The following CLEC4F variants were observed in gnomAD, a reference collection of about 807,000 sequenced individuals.
The protein encoded by CLEC4F is C-type lectin domain family 4 member F.
In CLEC4F, 45 loss-of-function variants were observed where a neutral mutation model predicts 53.4. The ratio of observed to expected loss-of-function variants is 0.84; its 90% CI spans 0.66 to 1.08. The LOEUF (loss-of-function observed/expected upper bound fraction) is 1.08. Ranked by LOEUF, CLEC4F falls within the 50% of genes least tolerant of loss-of-function variation. The pLI, the probability that CLEC4F is intolerant of heterozygous loss-of-function variation, is 0.00. For missense variants in CLEC4F, 753 were observed against 698.2 expected (o/e 1.08, Z -0.88); for synonymous variants, 245 against 257.5 (o/e 0.95, Z 0.46).
rs781897928 is a variant in CLEC4F at position 70,816,173 on chromosome 2, A to G, written c.1208T>C (p.Leu403Ser). Residue 403 changes from leucine to serine, a missense_variant, in exon 4 of 7, where the codon TTA becomes TCA. Leu to Ser is a moderately radical substitution (Grantham distance 145). Transcript: ENST00000272367. ...LKQGMKNASA[L>S]TSQTQMLDSN... is the part of the protein sequence containing the mutation. ...GTCTAACATCTGGGTCTGGGAAGTT[A>G]AGGCTGAAGCATTCTTCATTCCTTG... The G allele has an allele frequency of 1.2e-6, 2 of 1,614,070 alleles. No homozygotes were observed. The highest frequency in any genetic ancestry group is 3.3e-5 in the Admixed American group (2 of 60,002).
upstream of CLEC4F, among the ~76,000 whole-genome samples, chr2:70,821,349 G>A (rs1677212594): frequency 6.6e-6 from 1 of 152,138 alleles, no homozygotes; most frequent in Non-Finnish European, 1.5e-5. Context: ...TTTCAGGCTG[G>A]AGGCTGGTCC....
chr2:70,815,944 C>T, intron 4 of CLEC4F, 50 bp downstream of exon 4: 4 of 1,545,242 alleles, frequency 2.6e-6, no homozygotes, highest in Non-Finnish European at 2.6e-6. Context: ...AGACTCTACC[C>T]TCTCAAGAGA....
At position 70,809,589 on chromosome 2, in the gene CLEC4F, C is replaced by T. The variant is rs1166642201; in HGVS notation, c.1658+150G>A. ...CATTACACATGCCACATACATGGCA[C>T]ACACACCACACATACACCACATACA... On this transcript the variant is annotated intron_variant, in intron 6 of 6. Coordinates refer to ENST00000272367, the MANE Select transcript of CLEC4F (RefSeq NM_173535.3). 15 of 778,850 alleles carry T rather than the reference C, an allele frequency of 1.9e-5. No homozygotes were observed. In the African/African-American group the frequency reaches 2.4e-4, roughly 12 times the overall value. 48.2% of individuals were successfully genotyped at this position (778,850 alleles called of 1,614,324 possible). A position where few individuals can be genotyped will look rare whatever the true frequency, so the allele number is the denominator to read the frequency against.
At chr2:70,823,403 C>A (rs1218782301), upstream of CLEC4F, among the ~76,000 whole-genome samples, 8 of 152,146 alleles carry the variant, frequency 5.3e-5, no homozygotes, top group Non-Finnish European at 7.3e-5. Context: ...GGGCTGGTGG[C>A]TGAAAAGAAA....
At chr2:70,819,987 C>A in intron 1 of CLEC4F, 96 bp from the exon 2 acceptor site, 1 of 796,110 alleles carries the variant, frequency 1.3e-6, no homozygotes, top group African/African-American at 1.7e-5. Flanking sequence ...ATTCTGTTTC[C>A]TGGGTTGTCT....
At chr2:70,821,745 G>T (rs1574387244), upstream of CLEC4F, among the ~76,000 whole-genome samples, 1 of 152,114 alleles carries the variant, frequency 6.6e-6, no homozygotes, top group Non-Finnish European at 1.5e-5. Context: ...TTGAGACAGG[G>T]TCTCCCTCTG....
intron 3 of CLEC4F, 23 bp downstream of exon 3, chr2:70,819,332 C>G: frequency 6.2e-7 from 1 of 1,600,090 alleles, no homozygotes; most frequent in Non-Finnish European, 8.6e-7. Flanking sequence ...CCTCTGCACC[C>G]CACCCCCACT....
intron 2 of CLEC4F, 53 bp from the exon 3 acceptor site, chr2:70,819,497 G>C: frequency 6.6e-7 from 1 of 1,505,088 alleles, no homozygotes; most frequent in Admixed American, 1.7e-5. Flanking sequence ...GAGCCTGGGA[G>C]GATACGCTGT....
upstream of CLEC4F, among the ~76,000 whole-genome samples, chr2:70,822,958 T>A (rs952216327): frequency 1.1e-4 from 16 of 152,230 alleles, no homozygotes; most frequent in African/African-American, 3.6e-4. Context: ...GGAACGTGCC[T>A]CCTCTGAGGC....
intron 4 of CLEC4F, among the ~76,000 whole-genome samples, chr2:70,813,610 T>TCTTTCTTC (rs1553394963): frequency 9.3e-5 from 13 of 140,156 alleles, no homozygotes; most frequent in African/African-American, 3.5e-4. Flanking sequence ...TTTCTTTCTT[T>TCTTTCTTC]CTTTCTTTCT....
intron 4 of CLEC4F, among the ~76,000 whole-genome samples, chr2:70,815,674 G>A (rs973707462): frequency 7.9e-5 from 12 of 152,298 alleles, no homozygotes; most frequent in African/African-American, 2.2e-4. Flanking sequence ...CAGGCTCAAG[G>A]TCATACCATT....
Position 70,811,208 on chromosome 2 carries a change from G to A in CLEC4F, c.1539+1239C>T, listed in dbSNP as rs1280170402. ...GTACAAGTATCTGGATGGCATTCACGCTGAAGTTTGACAGCAAGTCCAATT... is the reference window on the plus strand; with the variant it reads ...GTACAAGTATCTGGATGGCATTCACACTGAAGTTTGACAGCAAGTCCAATT... On this transcript the variant is annotated intron_variant, in intron 5 of 6. Coordinates refer to ENST00000272367, the MANE Select transcript of CLEC4F (RefSeq NM_173535.3). 1.9e-5 allele frequency: 14 copies of A among 754,246 alleles called. No individual in the cohort carries two copies. The East Asian group carries it at 2.5e-4, about 14-fold the overall frequency. The allele number at this position is 754,246 out of a possible 1,614,324, so 46.7% of individuals were successfully genotyped here. A position where few individuals can be genotyped will look rare whatever the true frequency, so the allele number is the denominator to read the frequency against.
At chr2:70,813,597 C>CTCTTTCTTTTTCTTTCTT (rs1676711274) in intron 4 of CLEC4F, among the ~76,000 whole-genome samples, 1 of 106,224 alleles carries the variant, frequency 9.4e-6, no homozygotes, top group African/African-American at 3.8e-5. Flanking sequence ...CTCTTTCTTT[C>CTCTTTCTTTTTCTTTCTT]TCTTTCTTTC....
intron 3 of CLEC4F, among the ~76,000 whole-genome samples, chr2:70,818,769 A>G (rs1181875378): frequency 6.6e-6 from 1 of 151,536 alleles, no homozygotes; most frequent in Non-Finnish European, 1.5e-5. Context: ...AAAGGAGAAC[A>G]TCTTTGTAGC....
Position 70,815,981 on chromosome 2 carries a change from C to T in CLEC4F, c.1387+13G>A, listed in dbSNP as rs1214641333. ...TGTGCCCTCCCCAAACGCGACTCCC[C>T]TCTCCCACTTACTTTGGGTTCTTTG... is the stretch of plus-strand genomic sequence containing the variant. On this transcript the variant is annotated intron_variant, in intron 4 of 6. Coordinates refer to ENST00000272367, the MANE Select transcript of CLEC4F (RefSeq NM_173535.3). The T allele has an allele frequency of 1.1e-5, 17 of 1,608,036 alleles. No homozygotes were observed. Among genetic ancestry groups the T allele is most frequent in the African/African-American group, 1.3e-5 (1 of 74,724 alleles).
At chr2:70,821,453 T>C (rs370711755), upstream of CLEC4F, among the ~76,000 whole-genome samples, 170 of 150,986 alleles carry the variant, frequency 1.1e-3, no homozygotes, top group African/African-American at 3.9e-3. Context: ...GTATGGGAGA[T>C]GGCCTGGGGT....
chr2:70,820,012 C>T (rs1677149943), intron 1 of CLEC4F, 121 bp from the exon 2 acceptor site: 3 of 630,972 alleles, frequency 4.8e-6, no homozygotes, highest in South Asian at 2.7e-5. Flanking sequence ...GGGATGATAA[C>T]TCCTGCCATG....
At chr2:70,823,093 C>T (rs1458481784), upstream of CLEC4F, among the ~76,000 whole-genome samples, 2 of 151,706 alleles carry the variant, frequency 1.3e-5, no homozygotes, top group Non-Finnish European at 2.9e-5. Context: ...TGCCCACACC[C>T]AGTTCATGAT....
chr2:70,811,722 T>C (rs1351154122), intron 5 of CLEC4F, among the ~76,000 whole-genome samples: 1 of 152,136 alleles, frequency 6.6e-6, no homozygotes, highest in Non-Finnish European at 1.5e-5. Flanking sequence ...GTGTGCCTGG[T>C]CTTCCCAAGA....
Sources: allele counts gnomAD v4.1 joint callset (sites outside exome capture counted in the v4.1 genomes callset), GRCh38; gene constraint gnomAD v4.1.1; transcripts MANE v1.5; gene names NCBI Gene and HGNC (gene_info 2026-07-23, HGNC 2026-07-21).